The following TTN variants were observed in gnomAD, a reference collection of about 807,000 sequenced individuals.
TTN encodes titin.
Under a neutral mutation model 3,223.0 loss-of-function variants are expected in TTN, and 1,525 were observed. The observed-to-expected ratio is 0.47, with a 90% confidence interval of 0.45 to 0.49. TTN has a LOEUF of 0.49. Among genes scored for constraint, TTN ranks in the 20% least tolerant of loss-of-function variants. The probability of loss-of-function intolerance (pLI) is 0.00; values close to 1 mark genes in which losing one functional copy is unlikely to be tolerated. For missense variants in TTN, 40,786 were observed against 43,424.0 expected (o/e 0.94, Z 5.40); for synonymous variants, 14,094 against 15,161.0 (o/e 0.93, Z 5.17).
At position 178,794,471 on chromosome 2, in the gene TTN, C is replaced by T. The variant is rs763807739; in HGVS notation, c.1326G>A (p.Val442=). 1.2e-6 allele frequency: 2 copies of T among 1,614,190 alleles called. No homozygotes were observed. Among genetic ancestry groups the T allele is most frequent in the South Asian group, 2.2e-5 (2 of 91,084 alleles). The change falls in exon 8 of 363, where the codon GTG becomes GTA. Residue 442 remains valine (V), a synonymous_variant. Coordinates refer to ENST00000589042, the MANE Select transcript of TTN (RefSeq NM_001267550.2). ...GAGCAGTCTGCTCTACAGCGCTGAT[C>T]ACTGGTTCTCTCACTCTGGCCATAT... ...AVDMARVREP[V]ISAVEQTAQR...
intron 47 of TTN, chr2:178,746,913 G>C (rs727504760): frequency 6.2e-7 from 1 of 1,613,352 alleles, no homozygotes; most frequent in Non-Finnish European, 8.5e-7. Flanking sequence ...GAATCGGAAC[G>C]CCATATTTCA....
Position 178,633,659 on chromosome 2 carries a change from T to TGATTTCAC in TTN, c.42699_42700insGTGAAATC (p.Thr14234ValfsTer5). On this transcript the variant is annotated frameshift_variant, in exon 232 of 363. Transcript: ENST00000589042. LOFTEE classifies it high-confidence loss of function. Reference sequence around the variant, plus strand: ...GCAGTTTTGTCATGTAATTTCACAGTGAAGTAGGGATCGGCCTCTGTAAAA... The same window carrying TGATTTCAC: ...GCAGTTTTGTCATGTAATTTCACAGTGATTTCACGAAGTAGGGATCGGCCTCTGTAAAA... 6.2e-7 allele frequency: 1 copy of TGATTTCAC among 1,612,860 alleles called. No homozygotes were observed. Among genetic ancestry groups the TGATTTCAC allele is most frequent in the South Asian group, 1.1e-5 (1 of 91,034 alleles).
At position 178,569,025 on chromosome 2, in the gene TTN, C is replaced by T; in HGVS notation, c.77107G>A (p.Gly25703Arg). ...IKVAEVPQPP[G>R]KITVDDVTRN... ...GTGACATCATCCACAGTTATTTTTC[C>T]AGGAGGTTGTGGCACTTCTGCAACC... Residue 25703 changes from glycine to arginine, a missense_variant, in exon 326 of 363, where the codon GGA (glycine) becomes AGA (arginine). Coordinates refer to ENST00000589042, the MANE Select transcript of TTN (RefSeq NM_001267550.2). 2 of 1,613,232 alleles carry T rather than the reference C, an allele frequency of 1.2e-6. No individual in the cohort carries two copies. The highest frequency in any genetic ancestry group is 1.7e-6 in the Non-Finnish European group (2 of 1,179,510).
chr2:178,744,686 C>T, intron 47 of TTN: 26 of 973,132 alleles, frequency 2.7e-5, no homozygotes, highest in Non-Finnish European at 3.2e-5. Flanking sequence ...TAAAAATATC[C>T]CACCTTTTTT....
chr2:178,667,385 A>C, intron 161 of TTN, 57 bp downstream of exon 161: 5 of 1,571,764 alleles, frequency 3.2e-6, no homozygotes, highest in Non-Finnish European at 4.3e-6. Context: ...AAAGCATGCA[A>C]TGTTTGAGTC....
rs751998418 is a variant in TTN, at chr2:178,767,893, G to A, written c.9337C>T (p.Arg3113Cys). ...ATCCGGGTGGATGGGATCAGAAGGC[G>A]GTGGACATATTTCTCCTTCTGAATC... ...IKIQKEKYVHRLLIPSTRMSD... is the reference protein window; with the variant it reads ...IKIQKEKYVHCLLIPSTRMSD... The change falls in exon 40 of 363, where the codon CGC becomes TGC. Residue 3113 changes from arginine to cysteine, a missense_variant. Transcript: ENST00000589042. 2.0e-5 allele frequency: 32 copies of A among 1,613,934 alleles called. No individual in the cohort carries two copies. Among genetic ancestry groups the A allele is most frequent in the Non-Finnish European group, 2.6e-5 (31 of 1,180,012 alleles).
rs1057522780 is a variant in TTN, at chr2:178,730,151, A to G, written c.18249T>C (p.Ile6083=). ...TGCCAACATCATTGCTTAGTTGGCA[A>G]ATGTAGGTTCCAGAATCGGTAGCTT... ...AAKATDSGTY[I]CQLSNDVGTA... Residue 6083 remains isoleucine, a synonymous_variant, in exon 62 of 363, where the codon ATT becomes ATC. Coordinates refer to ENST00000589042, the MANE Select transcript of TTN (RefSeq NM_001267550.2). 1 of 1,613,380 alleles carries G rather than the reference A, an allele frequency of 6.2e-7. No homozygotes were observed. Among genetic ancestry groups the G allele is most frequent in the South Asian group, 1.1e-5 (1 of 91,024 alleles).
At position 178,532,720 on chromosome 2, in the gene TTN, A is replaced by C; in HGVS notation, c.103895T>G (p.Val34632Gly). ...PKLSQDDLEI[V>G]RPARRRTPSP... ...AGGTGTACGCCGGCGGGCTGGTCTCACTATCTCAAGATCATCTTGGGACAG... is the reference window on the plus strand; with the variant it reads ...AGGTGTACGCCGGCGGGCTGGTCTCCCTATCTCAAGATCATCTTGGGACAG... Residue 34632 changes from valine (V) to glycine (G), a missense_variant, in exon 358 of 363, where the codon GTG becomes GGG. Val to Gly is a moderately radical substitution (Grantham distance 109). Coordinates refer to ENST00000589042, the MANE Select transcript of TTN (RefSeq NM_001267550.2). 1 of 1,613,944 alleles carries C rather than the reference A, an allele frequency of 6.2e-7. No individual in the cohort carries two copies. Among genetic ancestry groups the C allele is most frequent in the South Asian group, 1.1e-5 (1 of 91,076 alleles).
intron 159 of TTN, among the ~76,000 whole-genome samples, chr2:178,668,346 AG>A (rs1351033291): frequency 6.6e-6 from 1 of 152,204 alleles, no homozygotes; most frequent in Non-Finnish European, 1.5e-5. Context: ...TATTCAAAGG[AG>A]GAAGTGATTA....
intron 47 of TTN, chr2:178,743,073 C>T (rs1014775396): frequency 3.3e-5 from 5 of 152,106 alleles, no homozygotes; most frequent in Middle Eastern, 3.4e-3. Flanking sequence ...TTCGCGTTAC[C>T]TTTCCCTTCA....
In TTN at chr2:178,773,126, C is replaced by T; in HGVS notation, c.7838G>A (p.Gly2613Glu). 6.2e-7 allele frequency: 1 copy of T among 1,613,860 alleles called. No homozygotes were observed. The highest frequency in any genetic ancestry group is 8.5e-7 in the Non-Finnish European group (1 of 1,179,902). ...TFYAGENMTS[G>E]KLTVAGGAIS... The stretch of plus-strand genomic sequence containing the variant: ...ATACCAACCTGCCACAGTAAGTTTT[C>T]CAGATGTCATATTTTCTCCCGCGTA... The change falls in exon 33 of 363, where the codon GGA (glycine) becomes GAA (glutamate). Residue 2613 changes from glycine to glutamate, a missense_variant. By Grantham distance (98) the Gly-to-Glu change is moderately conservative. Coordinates refer to ENST00000589042, the MANE Select transcript of TTN (RefSeq NM_001267550.2).
Position 178,706,722 on chromosome 2 carries a change from T to A in TTN, c.29152A>T (p.Ile9718Phe). ...ATTGGGTCACCTCCAACTTTTGCAA[T>A]GAAGGTCGCAGTGGTTTCTAAGGAA... is the stretch of plus-strand genomic sequence containing the variant. ...RVVEKTTATF[I>F]AKVGGDPIPN... The change falls in exon 102 of 363, where the codon ATT (isoleucine) becomes TTT (phenylalanine). Residue 9718 changes from isoleucine (I) to phenylalanine (F), a missense_variant. Coordinates refer to ENST00000589042, the MANE Select transcript of TTN (RefSeq NM_001267550.2). 6.2e-7 allele frequency: 1 copy of A among 1,608,922 alleles called. No individual in the cohort carries two copies. Among genetic ancestry groups the A allele is most frequent in the Non-Finnish European group, 8.5e-7 (1 of 1,176,530 alleles).
intron 47 of TTN, chr2:178,747,862 T>C: frequency 6.2e-7 from 1 of 1,613,084 alleles, no homozygotes; most frequent in Non-Finnish European, 8.5e-7. Flanking sequence ...TTGTACTTAT[T>C]TGTTCACCTG....
rs879685966 is a variant in TTN, at chr2:178,757,175, C to CTTGCG, written c.10678+366_10678+367insCGCAA. 1.3e-5 allele frequency among the ~76,000 whole-genome samples: 2 copies of CTTGCG among 149,616 alleles called. 1 individual carries two copies. The highest frequency in any genetic ancestry group is 3.0e-5 in the Non-Finnish European group (2 of 67,246). ...TTTAAGTACAGTAAGTAATACTGTA[C>CTTGCG]TTACTTTAAGTACAGTAAGTAATAC... On this transcript the variant is annotated intron_variant, in intron 45 of 362. Transcript: ENST00000589042.
rs777711368 is a variant in TTN, at chr2:178,562,083, C to T, written c.84049G>A (p.Val28017Ile). 2 of 1,613,280 alleles carry T rather than the reference C, an allele frequency of 1.2e-6. No homozygotes were observed. The highest frequency in any genetic ancestry group is 1.1e-5 in the South Asian group (1 of 91,014). Reference sequence around the variant, plus strand: ...GCTTCCTTAATAGATAGTGATGTTACAGTCTTTGAAGAAGAAACATTGACT... The same window carrying T: ...GCTTCCTTAATAGATAGTGATGTTATAGTCTTTGAAGAAGAAACATTGACT... ...TRVNVSSSKT[V>I]TSLSIKEASK... is the part of the protein sequence containing the mutation. The change falls in exon 326 of 363, where the codon GTA (valine) becomes ATA (isoleucine). Residue 28017 changes from valine (V) to isoleucine (I), a missense_variant. Transcript: ENST00000589042.
rs727504589 is a variant in TTN at position 178,620,714 on chromosome 2, C to A, written c.45895+1G>T. ...TCTCTAGTGGTATATAAATTACTTA[C>A]CTTCTACTATTAGATTGGCTGCACT... On this transcript the variant is annotated splice_donor_variant, in intron 247 of 362. Transcript: ENST00000589042. LOFTEE classifies it high-confidence loss of function. The A allele has an allele frequency of 2.5e-6, 4 of 1,612,206 alleles. No homozygotes were observed. Among genetic ancestry groups the A allele is most frequent in the Non-Finnish European group, 3.4e-6 (4 of 1,178,994 alleles).
In TTN at chr2:178,733,717, G is replaced by T. The variant is rs2080946973; in HGVS notation, c.15672C>A (p.Val5224=). The change falls in exon 53 of 363, where the codon GTC becomes GTA. Residue 5224 remains valine (V), a synonymous_variant. Coordinates refer to ENST00000589042, the MANE Select transcript of TTN (RefSeq NM_001267550.2). The part of the protein sequence containing the change: ...IKMSFSNGVA[V]LIIPDVQISF... ...TAATCTGAACATCAGGGATTATCAAGACTGCAACACCATTGGAAAAGCTCA... is the reference window on the plus strand; with the variant it reads ...TAATCTGAACATCAGGGATTATCAATACTGCAACACCATTGGAAAAGCTCA... 1 of 1,613,734 alleles carries T rather than the reference G, an allele frequency of 6.2e-7. No individual in the cohort carries two copies.
intron 49 of TTN, chr2:178,737,343 C>T (rs955541942): frequency 6.6e-6 from 1 of 151,596 alleles, no homozygotes; most frequent in African/African-American, 2.4e-5. Flanking sequence ...CTATGTTGCC[C>T]AGGCTGGAGA....
rs1360941673 is a variant in TTN at position 178,723,438 on chromosome 2, G to A, written c.21662C>T (p.Thr7221Ile). Residue 7221 changes from threonine to isoleucine, a missense_variant, in exon 74 of 363, where the codon ACT (threonine) becomes ATT (isoleucine). By Grantham distance (89) the Thr-to-Ile change is moderately conservative. Coordinates refer to ENST00000589042, the MANE Select transcript of TTN (RefSeq NM_001267550.2). ...CAAACCTTTCACAAAGAGACGGGTA[G>A]TGCAAGATGCTTGGCCAGCGTTGTT... ...VSNNAGQASC[T>I]TRLFVKEPAA... The A allele has an allele frequency of 6.2e-7, 1 of 1,612,956 alleles. No individual in the cohort carries two copies. Among genetic ancestry groups the A allele is most frequent in the African/African-American group, 1.3e-5 (1 of 75,014 alleles).
Sources: allele counts gnomAD v4.1 joint callset (sites outside exome capture counted in the v4.1 genomes callset), GRCh38; gene constraint gnomAD v4.1.1; transcripts MANE v1.5; gene names NCBI Gene and HGNC (gene_info 2026-07-23, HGNC 2026-07-21).